CTNNA3: variants seen among roughly 807,000 people sequenced by gnomAD.
CTNNA3 encodes the protein catenin alpha 3.
A neutral mutation model predicts 95.7 loss-of-function variants in CTNNA3; 76 were observed. That is an observed-to-expected ratio of 0.79 (90% CI 0.66 to 0.96). The LOEUF (loss-of-function observed/expected upper bound fraction) is 0.96, where lower values mean the gene tolerates loss of function less well. Among genes scored for constraint, CTNNA3 ranks in the 40% least tolerant of loss-of-function variants. The pLI is 0.00. For synonymous variants in CTNNA3, 431 were observed against 374.4 expected (o/e 1.15, Z -1.74); for missense variants, 1,191 against 1,089.8 (o/e 1.09, Z -1.31).
intron 17 of CTNNA3, among the ~76,000 whole-genome samples, chr10:65,962,144 T>A (rs1589181778): frequency 6.6e-6 from 1 of 152,234 alleles, no homozygotes; most frequent in East Asian, 1.9e-4. Context: ...CAGCTATTTT[T>A]AAAAAAATGG....
chr10:66,187,354 G>A (rs2086399973), intron 13 of CTNNA3, among the ~76,000 whole-genome samples: 1 of 150,900 alleles, frequency 6.6e-6, no homozygotes, highest in South Asian at 2.1e-4. Flanking sequence ...GGAAAAGCTA[G>A]GAATGAGTTA....
intron 1 of CTNNA3, among the ~76,000 whole-genome samples, chr10:67,693,028 A>G (rs545326673): frequency 2.2e-4 from 34 of 152,324 alleles, no homozygotes; most frequent in African/African-American, 6.7e-4. Context: ...GGCAAAGAAA[A>G]GAGGTGGGGA....
chr10:66,590,157 A>G (rs552062662), intron 10 of CTNNA3, among the ~76,000 whole-genome samples: 12 of 152,238 alleles, frequency 7.9e-5, no homozygotes, highest in Non-Finnish European at 1.3e-4. Flanking sequence ...AACTAAGTTG[A>G]AGGCTTCCCA....
chr10:65,960,835 T>A (rs1188999845), intron 17 of CTNNA3, among the ~76,000 whole-genome samples: 1 of 152,236 alleles, frequency 6.6e-6, no homozygotes, highest in Non-Finnish European at 1.5e-5. Context: ...TTCATGTGGA[T>A]GTGAAGGACA....
At chr10:66,406,894 T>G (rs1348933450) in intron 11 of CTNNA3, among the ~76,000 whole-genome samples, 1 of 152,182 alleles carries the variant, frequency 6.6e-6, no homozygotes, top group Admixed American at 6.5e-5. Context: ...ATCTTCCTCA[T>G]AGCAAAAGCA....
chr10:67,611,607 C>T (rs61869460), intron 2 of CTNNA3, among the ~76,000 whole-genome samples: 4 of 152,180 alleles, frequency 2.6e-5, no homozygotes, highest in Non-Finnish European at 4.4e-5. Flanking sequence ...TGAGCCACTG[C>T]GCCTGGCCGT....
At chr10:67,088,309 G>A (rs765277519) in intron 7 of CTNNA3, among the ~76,000 whole-genome samples, 3 of 151,558 alleles carry the variant, frequency 2.0e-5, no homozygotes, top group East Asian at 1.9e-4. Flanking sequence ...ATAAATTAAC[G>A]AATGAATATT....
intron 7 of CTNNA3, among the ~76,000 whole-genome samples, chr10:66,939,869 G>A (rs573348157): frequency 2.5e-4 from 38 of 152,124 alleles, no homozygotes; most frequent in African/African-American, 9.2e-4. Context: ...CATTGTACTT[G>A]TAACAATCTT....
At chr10:66,170,550 T>A (rs534182570) in intron 13 of CTNNA3, among the ~76,000 whole-genome samples, 1 of 152,118 alleles carries the variant, frequency 6.6e-6, no homozygotes, top group African/African-American at 2.4e-5. Flanking sequence ...GATAAAATCC[T>A]TACAGACTTA....
intron 5 of CTNNA3, among the ~76,000 whole-genome samples, chr10:67,316,404 G>T (rs1841051913): frequency 6.6e-6 from 1 of 151,820 alleles, no homozygotes; most frequent in Admixed American, 6.6e-5. Flanking sequence ...TAAATTTTTT[G>T]TCAAGGGCCT....
chr10:66,929,886 C>T (rs949971245), intron 7 of CTNNA3, among the ~76,000 whole-genome samples: 5 of 152,190 alleles, frequency 3.3e-5, no homozygotes, highest in South Asian at 2.1e-4. Context: ...TATTCTCCTT[C>T]ATCCTCCAAA....
intron 15 of CTNNA3, among the ~76,000 whole-genome samples, chr10:66,066,523 C>G (rs925765208): frequency 5.9e-5 from 9 of 152,026 alleles, no homozygotes; most frequent in Non-Finnish European, 1.3e-4. Flanking sequence ...TGGGCCAAAA[C>G]TGAATTACTT....
At chr10:67,420,612 A>G (rs1009931794) in intron 5 of CTNNA3, among the ~76,000 whole-genome samples, 4 of 152,184 alleles carry the variant, frequency 2.6e-5, no homozygotes, top group Non-Finnish European at 5.9e-5. Flanking sequence ...CATAATCAGT[A>G]CTACATGAGT....
At chr10:67,672,180 T>A (rs1184499348) in intron 1 of CTNNA3, among the ~76,000 whole-genome samples, 1 of 152,250 alleles carries the variant, frequency 6.6e-6, no homozygotes, top group South Asian at 2.1e-4. Flanking sequence ...TCTGTTCATA[T>A]CCTTCGCCCA....
At chr10:67,752,407 C>G (rs776850964) in intron 1 of CTNNA3, among the ~76,000 whole-genome samples, 2 of 152,152 alleles carry the variant, frequency 1.3e-5, no homozygotes, top group Non-Finnish European at 2.9e-5. Flanking sequence ...CCCTTGAAAC[C>G]TGGCACAAAA....
At chr10:65,938,641 T>C (rs1014594341) in intron 17 of CTNNA3, among the ~76,000 whole-genome samples, 1 of 152,146 alleles carries the variant, frequency 6.6e-6, no homozygotes, top group Non-Finnish European at 1.5e-5. Flanking sequence ...TGCCAATTTA[T>C]CCACACCTTT....
chr10:65,922,485 CA>C (rs1048708350), intron 17 of CTNNA3, among the ~76,000 whole-genome samples: 1 of 152,118 alleles, frequency 6.6e-6, no homozygotes, highest in African/African-American at 2.4e-5. Flanking sequence ...CATAACAAAA[CA>C]TTTTTAAATT....
At chr10:67,095,926 T>A (rs1451298343) in intron 7 of CTNNA3, among the ~76,000 whole-genome samples, 4 of 151,872 alleles carry the variant, frequency 2.6e-5, no homozygotes, top group African/African-American at 9.7e-5. Context: ...AGATTCTTAT[T>A]TATTTTAAAT....
At chr10:66,444,377 T>G (rs917456717) in intron 11 of CTNNA3, among the ~76,000 whole-genome samples, 1 of 152,032 alleles carries the variant, frequency 6.6e-6, no homozygotes, top group African/African-American at 2.4e-5. Context: ...AATTGTCAGA[T>G]TCACCAAAGT....
Sources: allele counts gnomAD v4.1 joint callset (sites outside exome capture counted in the v4.1 genomes callset), GRCh38; gene constraint gnomAD v4.1.1; transcripts MANE v1.5; gene names NCBI Gene and HGNC (gene_info 2026-07-23, HGNC 2026-07-21).